The following LYRM4 variants were observed in gnomAD, a reference collection of about 807,000 sequenced individuals.
LYRM4 encodes LYR motif-containing protein 4.
A neutral mutation model predicts 11.7 loss-of-function variants in LYRM4; 9 were observed. The ratio of observed to expected loss-of-function variants is 0.77; its 90% confidence interval spans 0.46 to 1.34. The LOEUF is 1.34. Among genes scored for constraint, LYRM4 ranks in the 40% most tolerant of loss-of-function variants. The pLI is 0.00. For missense variants in LYRM4, 133 were observed against 112.5 expected, an observed-to-expected ratio of 1.18 and a Z score of -0.82; for synonymous variants, 42 against 40.4, an observed-to-expected ratio of 1.04 and a Z score of -0.15.
rs77989452 is a variant in LYRM4, at chr6:5,210,043, T to C, written c.207+6575A>G. On this transcript the variant is annotated intron_variant, in intron 2 of 2. Coordinates refer to ENST00000330636, the MANE Select transcript of LYRM4 (RefSeq NM_020408.6). ...GGTGCTAACAATATGAATGAAATAA[T>C]TCAATTTTCTGGGTTTCCTTCTAAC... Among the ~76,000 whole-genome samples the C allele has an allele frequency of 1.4e-4, 21 of 152,316 alleles. No homozygotes were observed. In the East Asian group the frequency reaches 3.9e-3, roughly 28 times the overall value.
At chr6:5,066,958 G>A in the LYRM4 span, 1 of 1,050,964 alleles carries the variant, frequency 9.5e-7, no homozygotes, top group Non-Finnish European at 1.3e-6. Flanking sequence ...AGCCGAGGAG[G>A]AAATCCGGCC....
At chr6:5,189,065 C>T (rs1401923616) in intron 2 of LYRM4, among the ~76,000 whole-genome samples, 1 of 152,222 alleles carries the variant, frequency 6.6e-6, no homozygotes, top group African/African-American at 2.4e-5. Context: ...GTGGCTCCCA[C>T]GGTGCCTGAC....
chr6:5,114,213 A>T (rs1317766523), intron 2 of LYRM4, among the ~76,000 whole-genome samples: 1 of 152,210 alleles, frequency 6.6e-6, no homozygotes. Context: ...GCCATCTAGC[A>T]CTGTAAGATA....
the LYRM4 span, among the ~76,000 whole-genome samples, chr6:5,093,577 A>G: frequency 1.3e-5 from 2 of 152,270 alleles, no homozygotes; most frequent in Admixed American, 1.3e-4. Context: ...TGAGTCTGGT[A>G]TACCCAGCTA....
At chr6:5,124,964 G>A (rs1473716144) in intron 2 of LYRM4, among the ~76,000 whole-genome samples, 4 of 152,212 alleles carry the variant, frequency 2.6e-5, no homozygotes, top group South Asian at 2.1e-4. Context: ...TGAGCCCCCT[G>A]AAGTTGGGAT....
the LYRM4 span, among the ~76,000 whole-genome samples, chr6:5,063,673 G>A: frequency 6.6e-6 from 1 of 152,200 alleles, no homozygotes; most frequent in Non-Finnish European, 1.5e-5. Context: ...CCTGGTGTGT[G>A]TGGCTTCCTC....
chr6:5,238,397 C>T (rs913017614), intron 1 of LYRM4, among the ~76,000 whole-genome samples: 2 of 152,034 alleles, frequency 1.3e-5, no homozygotes, highest in African/African-American at 2.4e-5. Context: ...TCACTCCCAG[C>T]GTAATTCTAT....
At chr6:5,257,268 A>C (rs1275097411) in intron 1 of LYRM4, among the ~76,000 whole-genome samples, 1 of 151,766 alleles carries the variant, frequency 6.6e-6, no homozygotes, top group Non-Finnish European at 1.5e-5. Context: ...CAACCCCATC[A>C]TACTTACCTC....
chr6:5,241,721 C>T (rs777309433), intron 1 of LYRM4, among the ~76,000 whole-genome samples: 7 of 152,124 alleles, frequency 4.6e-5, no homozygotes, highest in Non-Finnish European at 8.8e-5. Context: ...GCCTGTTACA[C>T]GGTGGAAGCT....
the LYRM4 span, among the ~76,000 whole-genome samples, chr6:5,062,957 G>A: frequency 1.3e-5 from 2 of 152,258 alleles, no homozygotes; most frequent in Admixed American, 6.5e-5. Context: ...CTCATGTGCC[G>A]CTGACTATCC....
At chr6:5,244,989 C>T (rs1398522182) in intron 1 of LYRM4, among the ~76,000 whole-genome samples, 1 of 147,976 alleles carries the variant, frequency 6.8e-6, no homozygotes, top group Non-Finnish European at 1.5e-5. Flanking sequence ...TATCCTGTTA[C>T]TGCATGGCTA....
intron 2 of LYRM4, among the ~76,000 whole-genome samples, chr6:5,192,720 C>G (rs1401556881): frequency 6.6e-6 from 1 of 152,214 alleles, no homozygotes; most frequent in African/African-American, 2.4e-5. Flanking sequence ...GCTGTGTATT[C>G]CGTTGTATCC....
the LYRM4 span, among the ~76,000 whole-genome samples, chr6:5,098,237 T>A: frequency 0.1 from 15,691 of 152,252 alleles, 884 homozygotes; most frequent in Middle Eastern, 0.16. Context: ...GGAAATGGCA[T>A]TTTCTTCATT....
At chr6:5,209,941 G>A (rs1481025445) in intron 2 of LYRM4, among the ~76,000 whole-genome samples, 2 of 152,140 alleles carry the variant, frequency 1.3e-5, no homozygotes, top group Non-Finnish European at 2.9e-5. Flanking sequence ...TTCTTTGGAA[G>A]AAAACTGTCT....
the LYRM4 span, chr6:5,085,460 G>T: frequency 6.7e-7 from 1 of 1,503,614 alleles, no homozygotes; most frequent in South Asian, 1.2e-5. Flanking sequence ...GGTTCGGCCC[G>T]AGCAAGTCCA....
At chr6:5,243,510 A>C (rs1406514764) in intron 1 of LYRM4, among the ~76,000 whole-genome samples, 2 of 152,226 alleles carry the variant, frequency 1.3e-5, no homozygotes, top group African/African-American at 4.8e-5. Flanking sequence ...AGAAGAAAAA[A>C]TGGAGGATAC....
At chr6:5,040,909 A>G in the LYRM4 span, among the ~76,000 whole-genome samples, 5 of 151,984 alleles carry the variant, frequency 3.3e-5, no homozygotes, top group African/African-American at 1.2e-4. Flanking sequence ...CTGATGGTGG[A>G]TTACCGCAAC....
At chr6:5,113,193 G>A (rs980704923) in intron 2 of LYRM4, 10 of 334,288 alleles carry the variant, frequency 3.0e-5, no homozygotes, top group Non-Finnish European at 6.0e-5. Context: ...CCAGCACTTC[G>A]GGAGGTCGAG....
rs556285418 is a variant in LYRM4, at chr6:5,156,927, C to T, written c.208-47436G>A. ...ATGTCACAAGATCCCCCCTGAAGCTCTCGCTTTAGCCCAATTCCACCTTTT... is the reference window on the plus strand; with the variant it reads ...ATGTCACAAGATCCCCCCTGAAGCTTTCGCTTTAGCCCAATTCCACCTTTT... On this transcript the variant is annotated intron_variant, in intron 2 of 2. Transcript: ENST00000330636. Among the ~76,000 whole-genome samples, 3 of 152,338 alleles carry T rather than the reference C, an allele frequency of 2.0e-5. No individual in the cohort carries two copies. The East Asian group carries it at 5.8e-4, about 29-fold the overall frequency.
Sources: gnomAD v4.1 joint callset for allele counts (sites outside exome capture counted in the v4.1 genomes callset) on GRCh38, gnomAD v4.1.1 for gene constraint, MANE v1.5 for transcripts, NCBI Gene and HGNC (gene_info 2026-07-23, HGNC 2026-07-21) for gene names.